The following SLCO1B3 variants were observed in gnomAD, a reference collection of about 807,000 sequenced individuals.
SLCO1B3 encodes the protein liver-specific organic anion transporter 2.
Under a neutral mutation model 71.8 loss-of-function variants are expected in SLCO1B3, and 72 were observed. The observed-to-expected ratio is 1.00, with a 90% CI of 0.83 to 1.22. The LOEUF is 1.22. Ranked by LOEUF, SLCO1B3 falls within the 50% of genes most tolerant of loss-of-function variation. The pLI is 0.00. For synonymous variants in SLCO1B3, 298 were observed against 278.4 expected, an observed-to-expected ratio of 1.07 and a Z score of -0.70; for missense variants, 911 against 819.7, an observed-to-expected ratio of 1.11 and a Z score of -1.36.
At chr12:20,856,083 T>C (rs1360931772) in intron 4 of SLCO1B3, among the ~76,000 whole-genome samples, 1 of 152,102 alleles carries the variant, frequency 6.6e-6, no homozygotes, top group East Asian at 1.9e-4. Flanking sequence ...CCTTCACTTG[T>C]TTACCTCCCA....
At chr12:20,888,499 T>G (rs976007802) in intron 13 of SLCO1B3, among the ~76,000 whole-genome samples, 3 of 152,018 alleles carry the variant, frequency 2.0e-5, no homozygotes, top group Non-Finnish European at 4.4e-5. Flanking sequence ...TGATCATTAT[T>G]GTTGTATGGA....
chr12:20,816,542 A>G (rs1227541614), intron 3 of SLCO1B3, among the ~76,000 whole-genome samples: 1 of 152,166 alleles, frequency 6.6e-6, no homozygotes, highest in South Asian at 2.1e-4. Context: ...CATTCTTTCT[A>G]TAGCTGAATA....
At chr12:20,914,281 T>A (rs1312087725) in intron 15 of SLCO1B3, among the ~76,000 whole-genome samples, 3 of 152,156 alleles carry the variant, frequency 2.0e-5, no homozygotes, top group African/African-American at 7.2e-5. Flanking sequence ...TTAGTTGTAC[T>A]TTTTAAATAA....
intron 13 of SLCO1B3, among the ~76,000 whole-genome samples, chr12:20,888,330 C>T (rs925380215): frequency 1.3e-5 from 2 of 151,768 alleles, no homozygotes; most frequent in South Asian, 2.1e-4. Context: ...AATTCATGAG[C>T]GTAGGATGTT....
chr12:20,864,636 A>C (rs567933380), intron 8 of SLCO1B3, among the ~76,000 whole-genome samples: 18 of 152,270 alleles, frequency 1.2e-4, no homozygotes, highest in Admixed American at 2.0e-4. Context: ...ACTGAGTACA[A>C]AGTAAGTGTT....
intron 10 of SLCO1B3, among the ~76,000 whole-genome samples, chr12:20,878,956 T>C (rs1565599664): frequency 6.6e-6 from 1 of 152,068 alleles, no homozygotes; most frequent in Admixed American, 6.6e-5. Flanking sequence ...TTTTGAGAAA[T>C]GTATAAAGGA....
chr12:20,873,348 G>GTTGTTT (rs74763823), intron 8 of SLCO1B3, among the ~76,000 whole-genome samples: 78,871 of 151,414 alleles, frequency 0.52, 22,951 homozygotes, highest in South Asian at 0.76. Context: ...AGATGTTGTT[G>GTTGTTT]TTGTTTTTGT....
chr12:20,821,504 G>C (rs559232559), intron 3 of SLCO1B3, among the ~76,000 whole-genome samples: 1 of 152,080 alleles, frequency 6.6e-6, no homozygotes, highest in African/African-American at 2.4e-5. Context: ...GTAGAGACAC[G>C]GAGAAGTGAT....
intron 12 of SLCO1B3, among the ~76,000 whole-genome samples, chr12:20,882,791 A>T (rs987063563): frequency 6.6e-6 from 1 of 152,198 alleles, no homozygotes; most frequent in Non-Finnish European, 1.5e-5. Flanking sequence ...GAATCAGAGC[A>T]GAATTTATTA....
Position 20,883,479 on chromosome 12 carries a change from A to C in SLCO1B3, c.1559A>C (p.His520Pro), listed in dbSNP as rs559692629. 3.1e-5 allele frequency: 49 copies of C among 1,596,220 alleles called. No homozygotes were observed. In the East Asian group the frequency reaches 1.1e-3, roughly 36 times the overall value. ...CTCCAGAACAGAAATTACTCAGCAC[A>C]CTTGGGTGAATGCCCAAGAGATAAT... ...TGLQNRNYSA[H>P]LGECPRDNTC... Residue 520 changes from histidine to proline, a missense_variant, in exon 13 of 16, where the codon CAC (histidine) becomes CCC (proline). By Grantham distance (77) the His-to-Pro change is moderately conservative. Coordinates refer to ENST00000381545, the MANE Select transcript of SLCO1B3 (RefSeq NM_019844.4).
intron 8 of SLCO1B3, among the ~76,000 whole-genome samples, chr12:20,873,222 A>T (rs561074727): frequency 6.6e-6 from 1 of 152,334 alleles, no homozygotes; most frequent in Admixed American, 6.5e-5. Flanking sequence ...GGCCAAGTGT[A>T]TGCCTAACCT....
At chr12:20,907,433 T>C (rs1242053115) in intron 15 of SLCO1B3, among the ~76,000 whole-genome samples, 14 of 122,716 alleles carry the variant, frequency 1.1e-4, no homozygotes, top group Non-Finnish European at 2.1e-4. Flanking sequence ...CCTTTCTTCC[T>C]CCCCCTTCCC....
At chr12:20,837,264 A>G (rs185075646) in intron 3 of SLCO1B3, among the ~76,000 whole-genome samples, 348 of 152,002 alleles carry the variant, frequency 2.3e-3, no homozygotes, top group African/African-American at 7.9e-3. Flanking sequence ...CTAAAGAACA[A>G]GTCTTTGGTT....
Position 20,916,183 on chromosome 12 carries a change from C to A in SLCO1B3, c.2045C>A (p.Pro682His), listed in dbSNP as rs761123903. 1.6e-5 allele frequency: 25 copies of A among 1,611,156 alleles called. No individual in the cohort carries two copies. The highest frequency in any genetic ancestry group is 2.0e-5 in the Non-Finnish European group (23 of 1,177,628). Residue 682 changes from proline to histidine, a missense_variant, in exon 16 of 16, where the codon CCT becomes CAT. Pro to His is a moderately conservative substitution (Grantham distance 77, BLOSUM62 -2). Coordinates refer to ENST00000381545, the MANE Select transcript of SLCO1B3 (RefSeq NM_019844.4). ...TTAAATAATGGTGAACATTTTGTAC[C>A]TTCTGCTGGAACAGATAGTAAAACA... ...EFLNNGEHFVPSAGTDSKTCN... is the reference protein window; with the variant it reads ...EFLNNGEHFVHSAGTDSKTCN...
intron 15 of SLCO1B3, among the ~76,000 whole-genome samples, chr12:20,911,537 T>G (rs1265129193): frequency 6.6e-6 from 1 of 152,144 alleles, no homozygotes. Flanking sequence ...CTTAAGTGTT[T>G]TATAGAATTC....
At chr12:20,860,910 G>T in intron 5 of SLCO1B3, 107 bp from the exon 6 acceptor site, 2 of 1,108,628 alleles carry the variant, frequency 1.8e-6, no homozygotes, top group Non-Finnish European at 2.6e-6. Context: ...CTGGTAATTT[G>T]GAGAAGACAG....
At chr12:20,824,545 A>G (rs1018884036) in intron 3 of SLCO1B3, among the ~76,000 whole-genome samples, 2 of 152,210 alleles carry the variant, frequency 1.3e-5, no homozygotes, top group African/African-American at 2.4e-5. Flanking sequence ...CACCATTGAC[A>G]AGTAAATTTG....
At chr12:20,897,123 G>C (rs561037098) in intron 13 of SLCO1B3, among the ~76,000 whole-genome samples, 2 of 152,100 alleles carry the variant, frequency 1.3e-5, no homozygotes, top group Admixed American at 1.3e-4. Context: ...GAGCCAAATC[G>C]TATCAGATTC....
rs377206652 is a variant in SLCO1B3 at position 20,862,564 on chromosome 12, G to A, written c.628+6G>A. ...ACATTCTTCCTTGTATTTAGGTAAC[G>A]TACAGAATATATTAAATTTCATGAT... On this transcript the variant is annotated splice_donor_region_variant and intron_variant, in intron 7 of 15. Transcript: ENST00000381545. 31 of 1,590,708 alleles carry A rather than the reference G, an allele frequency of 1.9e-5. No homozygotes were observed. Among genetic ancestry groups the A allele is most frequent in the African/African-American group, 5.4e-5 (4 of 73,842 alleles).
Sources: allele counts gnomAD v4.1 joint callset (sites outside exome capture counted in the v4.1 genomes callset), GRCh38; gene constraint gnomAD v4.1.1; transcripts MANE v1.5; gene names NCBI Gene and HGNC (gene_info 2026-07-23, HGNC 2026-07-21).